Variants in PDE4B observed in about 807,000 individuals in gnomAD.
PDE4B encodes phosphodiesterase 4B, also known as 3',5'-cyclic-AMP phosphodiesterase 4B.
PDE4B carries 20 observed loss-of-function variants against 82.2 expected under a neutral mutation model. That is an observed-to-expected ratio of 0.24 (90% CI 0.17 to 0.35). PDE4B has a LOEUF of 0.35. Ranked by LOEUF, PDE4B falls within the 10% of genes least tolerant of loss-of-function variation. PDE4B has a pLI of 1.00. For missense variants in PDE4B, 655 were observed against 907.2 expected (o/e 0.72, Z 3.57); for synonymous variants, 320 against 318.9 (o/e 1.00, Z -0.04).
At chr1:66,293,522 C>A (rs1013896026) in intron 7 of PDE4B, among the ~76,000 whole-genome samples, 1 of 152,046 alleles carries the variant, frequency 6.6e-6, no homozygotes, top group Non-Finnish European at 1.5e-5. Context: ...GAGCTGAAAT[C>A]ATTTACCATC....
chr1:66,367,854 A>G lies in PDE4B; in HGVS notation c.1539+4A>G. On this transcript the variant is annotated splice_donor_region_variant and intron_variant, in intron 14 of 16. Coordinates refer to ENST00000341517, the MANE Select transcript of PDE4B (RefSeq NM_002600.4). ...CAGGAAGATGGTTATTGACATGGTA[A>G]GACTTTAGCCTCTCTACATTCCTCA... 1.9e-6 allele frequency: 3 copies of G among 1,613,440 alleles called. No homozygotes were observed. Among genetic ancestry groups the G allele is most frequent in the Non-Finnish European group, 2.5e-6 (3 of 1,179,578 alleles).
chr1:66,135,120 C>T (rs1557585993), intron 3 of PDE4B, among the ~76,000 whole-genome samples: 1 of 152,048 alleles, frequency 6.6e-6, no homozygotes, highest in East Asian at 1.9e-4. Context: ...GCAGCAAGCA[C>T]CCATGTGTTG....
intron 7 of PDE4B, among the ~76,000 whole-genome samples, chr1:66,275,135 T>C (rs1365986907): frequency 6.6e-6 from 1 of 152,216 alleles, no homozygotes; most frequent in African/African-American, 2.4e-5. Context: ...CAAAAAAAGA[T>C]TGTCAAATTA....
chr1:65,884,178 A>G (rs959240854), intron 1 of PDE4B, among the ~76,000 whole-genome samples: 1 of 152,140 alleles, frequency 6.6e-6, no homozygotes, highest in Admixed American at 6.5e-5. Context: ...TCATAAAATG[A>G]GTTAGGGAGG....
chr1:65,971,730 C>T (rs1391448119), intron 3 of PDE4B, among the ~76,000 whole-genome samples: 1 of 152,126 alleles, frequency 6.6e-6, no homozygotes, highest in Non-Finnish European at 1.5e-5. Flanking sequence ...GCAGTATGAG[C>T]TGTTTTTGAG....
intron 7 of PDE4B, among the ~76,000 whole-genome samples, chr1:66,327,688 A>T (rs1659836018): frequency 6.6e-6 from 1 of 152,244 alleles, no homozygotes. Flanking sequence ...AAGGTAACCC[A>T]CTGAAGCAAG....
At chr1:66,067,091 A>T (rs552055493) in intron 3 of PDE4B, among the ~76,000 whole-genome samples, 5 of 152,114 alleles carry the variant, frequency 3.3e-5, no homozygotes, top group East Asian at 1.9e-4. Flanking sequence ...TCTATCATTT[A>T]TGGACATTTG....
chr1:66,079,163 C>CTT (rs1194136485), intron 3 of PDE4B, among the ~76,000 whole-genome samples: 40 of 98,264 alleles, frequency 4.1e-4, no homozygotes, highest in African/African-American at 1.5e-3. Flanking sequence ...CTCCCTGCTT[C>CTT]TTTTCTCTCT....
intron 1 of PDE4B, among the ~76,000 whole-genome samples, chr1:65,887,412 C>CTTTTTTTTT (rs1285765740): frequency 1.4e-4 from 1 of 6,922 alleles, no homozygotes; most frequent in Non-Finnish European, 2.3e-4. Flanking sequence ...TCTTTTTCTT[C>CTTTTTTTTT]TGTTTTTTTT....
At chr1:66,246,244 T>A (rs1653302579) in intron 3 of PDE4B, among the ~76,000 whole-genome samples, 1 of 152,186 alleles carries the variant, frequency 6.6e-6, no homozygotes, top group Non-Finnish European at 1.5e-5. Flanking sequence ...CACAGGGTTG[T>A]TAGGAGTAAA....
chr1:66,291,289 C>T (rs1557682395), intron 7 of PDE4B, among the ~76,000 whole-genome samples: 1 of 151,856 alleles, frequency 6.6e-6, no homozygotes, highest in Non-Finnish European at 1.5e-5. Flanking sequence ...TTTCTCAGAC[C>T]AAGAAGCTAA....
intron 3 of PDE4B, among the ~76,000 whole-genome samples, chr1:66,165,696 AC>A (rs1208370276): frequency 2.0e-4 from 30 of 152,160 alleles, no homozygotes; most frequent in African/African-American, 5.8e-4. Context: ...GCAGTGCAAG[AC>A]TTTTATGCTG....
chr1:66,313,786 C>T (rs1658833101), intron 7 of PDE4B, among the ~76,000 whole-genome samples: 1 of 152,156 alleles, frequency 6.6e-6, no homozygotes. Flanking sequence ...TTGGCCCTGA[C>T]CTTTCTTCAG....
intron 3 of PDE4B, among the ~76,000 whole-genome samples, chr1:65,968,445 G>A (rs866571992): frequency 1.3e-5 from 2 of 152,066 alleles, no homozygotes; most frequent in Non-Finnish European, 2.9e-5. Flanking sequence ...TGGCCTTGGG[G>A]TCCCTTCCTC....
chr1:65,884,460 T>C (rs1646748635), intron 1 of PDE4B, among the ~76,000 whole-genome samples: 2 of 152,072 alleles, frequency 1.3e-5, no homozygotes, highest in African/African-American at 4.8e-5. Context: ...CTTCAAACTA[T>C]ACTACAAGGC....
At chr1:66,210,305 T>C (rs1031507703) in intron 3 of PDE4B, among the ~76,000 whole-genome samples, 2 of 152,048 alleles carry the variant, frequency 1.3e-5, no homozygotes, top group African/African-American at 4.8e-5. Context: ...CCTTAAAAAG[T>C]AGATGAATCT....
chr1:65,984,998 G>A (rs150368455), intron 3 of PDE4B, among the ~76,000 whole-genome samples: 277 of 151,860 alleles, frequency 1.8e-3, no homozygotes, highest in African/African-American at 6.2e-3. Flanking sequence ...TATTTTCTTC[G>A]TTATGAACTA....
At chr1:66,016,352 T>A (rs1312550447) in intron 3 of PDE4B, among the ~76,000 whole-genome samples, 1 of 152,202 alleles carries the variant, frequency 6.6e-6, no homozygotes, top group African/African-American at 2.4e-5. Context: ...CATCATTTGT[T>A]TGATAAATAT....
chr1:65,863,550 G>T (rs562049058), intron 1 of PDE4B, among the ~76,000 whole-genome samples: 2 of 152,298 alleles, frequency 1.3e-5, no homozygotes, highest in African/African-American at 4.8e-5. Context: ...TTCAAGTCCT[G>T]AATATGCTTG....
Sources: gnomAD v4.1 joint callset for allele counts (sites outside exome capture counted in the v4.1 genomes callset) on GRCh38, gnomAD v4.1.1 for gene constraint, MANE v1.5 for transcripts, NCBI Gene and HGNC (gene_info 2026-07-23, HGNC 2026-07-21) for gene names.